APOL2: variants seen among roughly 807,000 people sequenced by gnomAD.
The protein encoded by APOL2 is apolipoprotein L2.
A neutral mutation model predicts 7.1 loss-of-function variants in APOL2; 8 were observed. The observed-to-expected ratio is 1.12, with a 90% CI of 0.66 to 2.03. The LOEUF (loss-of-function observed/expected upper bound fraction) is 2.03, where lower values mean the gene tolerates loss of function less well. Among genes scored for constraint, APOL2 ranks in the 30% most tolerant of loss-of-function variants. The probability of loss-of-function intolerance (pLI) is 0.00; values close to 1 mark genes in which losing one functional copy is unlikely to be tolerated. For synonymous variants in APOL2, 177 were observed against 159.9 expected (o/e 1.11, Z -0.81); for missense variants, 471 against 415.1 (o/e 1.13, Z -1.17).
In APOL2 at chr22:36,227,927, A is replaced by G; in HGVS notation, c.491T>C (p.Ile164Thr). The G allele has an allele frequency of 6.2e-7, 1 of 1,614,194 alleles. No homozygotes were observed. The highest frequency in any genetic ancestry group is 8.5e-7 in the Non-Finnish European group (1 of 1,180,034). ...TACTAGTTCTACCACACTGCAGGTA[A>G]TCCCAGCCACAGCAGCTGCTGCTCC... ...GLGAAAAVAG[I>T]TCSVVELVNK... The change falls in exon 5 of 5, where the codon ATT (isoleucine) becomes ACT (threonine). Residue 164 changes from isoleucine to threonine, a missense_variant. Transcript: ENST00000358502.
At chr22:36,239,374 A>G in intron 1 of APOL2, 67 bp downstream of exon 1, 1 of 1,453,418 alleles carries the variant, frequency 6.9e-7, no homozygotes, top group Non-Finnish European at 9.3e-7. Context: ...AAGCTGAATG[A>G]TCCTTCCCTT....
chr22:36,230,785 G>C (rs529855285), intron 4 of APOL2, among the ~76,000 whole-genome samples: 1 of 152,124 alleles, frequency 6.6e-6, no homozygotes, highest in South Asian at 2.1e-4. Context: ...CAGCAGAAGG[G>C]TCCTGCTGTG....
chr22:36,229,775 A>G (rs2015152399), intron 4 of APOL2, among the ~76,000 whole-genome samples: 1 of 152,204 alleles, frequency 6.6e-6, no homozygotes, highest in African/African-American at 2.4e-5. Flanking sequence ...AACAAAAACA[A>G]AACCTCAGAA....
chr22:36,233,626 C>T (rs995277369), intron 1 of APOL2, among the ~76,000 whole-genome samples, 171 bp from the exon 2 acceptor site: 1 of 152,180 alleles, frequency 6.6e-6, no homozygotes, highest in Non-Finnish European at 1.5e-5. Context: ...TATTGTGTGT[C>T]TGTGATGTGC....
At position 36,239,391 on chromosome 22, in the gene APOL2, C is replaced by T. The variant is rs779332208; in HGVS notation, c.-134+50G>A. 17 of 1,476,624 alleles carry T rather than the reference C, an allele frequency of 1.2e-5. No individual in the cohort carries two copies. In the Admixed American group the frequency reaches 2.6e-4, roughly 22 times the overall value. The allele number at this position is 1,476,624 out of a possible 1,614,324, so 91.5% of individuals were successfully genotyped here. A position where few individuals can be genotyped will look rare whatever the true frequency, so the allele number is the denominator to read the frequency against. ...GCTGAATGATCCTTCCCTTATAGAG[C>T]TATTGCAAGAATAAGGACATGGGGG... is the stretch of plus-strand genomic sequence containing the variant. On this transcript the variant is annotated intron_variant, in intron 1 of 4. Coordinates refer to ENST00000358502, the MANE Select transcript of APOL2 (RefSeq NM_030882.4).
chr22:36,239,145 G>A, intron 1 of APOL2: 1 of 1,213,750 alleles, frequency 8.2e-7, no homozygotes, highest in Non-Finnish European at 1.0e-6. Flanking sequence ...CCTTTCTTCT[G>A]GGGTCAGCTG....
At position 36,227,393 on chromosome 22, in the gene APOL2, C is replaced by T. The variant is rs1410453449; in HGVS notation, c.*11G>A. ...CGGCATTTCTGCCCTGGTGGCTGCA[C>T]TGCTCTGGGGTCATTGGTCTTGGCC... is the stretch of plus-strand genomic sequence containing the variant. On this transcript the variant is annotated 3_prime_UTR_variant, in exon 5 of 5. Coordinates refer to ENST00000358502, the MANE Select transcript of APOL2 (RefSeq NM_030882.4). The T allele has an allele frequency of 6.3e-7, 1 of 1,584,452 alleles. No individual in the cohort carries two copies. Among genetic ancestry groups the T allele is most frequent in the Non-Finnish European group, 8.6e-7 (1 of 1,165,376 alleles).
rs770494326 is a variant in APOL2 at position 36,227,929 on chromosome 22, C to A, written c.489G>T (p.Gly163=). 3 of 1,614,236 alleles carry A rather than the reference C, an allele frequency of 1.9e-6. No homozygotes were observed. Among genetic ancestry groups the A allele is most frequent in the Non-Finnish European group, 2.5e-6 (3 of 1,180,030 alleles). Residue 163 remains glycine (G), a synonymous_variant, in exon 5 of 5, where the codon GGG becomes GGT. Coordinates refer to ENST00000358502, the MANE Select transcript of APOL2 (RefSeq NM_030882.4). The part of the protein sequence containing the change: ...MGLGAAAAVA[G]ITCSVVELVN... Reference sequence around the variant, plus strand: ...CTAGTTCTACCACACTGCAGGTAATCCCAGCCACAGCAGCTGCTGCTCCCA... The same window carrying A: ...CTAGTTCTACCACACTGCAGGTAATACCAGCCACAGCAGCTGCTGCTCCCA...
chr22:36,239,014 C>T, intron 1 of APOL2: 1 of 666,124 alleles, frequency 1.5e-6, no homozygotes. Context: ...GCAGCAGCAC[C>T]CTGGGGCCAG....
chr22:36,233,281 C>T (rs775510430), intron 2 of APOL2, 40 bp from the exon 3 acceptor site: 12 of 1,610,490 alleles, frequency 7.5e-6, no homozygotes, highest in Non-Finnish European at 9.3e-6. Flanking sequence ...CGAAGGTGAG[C>T]CTCCTGTGTA....
intron 1 of APOL2, chr22:36,234,211 A>G (rs1320175217): frequency 6.6e-6 from 1 of 152,264 alleles, no homozygotes; most frequent in Non-Finnish European, 1.5e-5. Context: ...GTCAAAAGCT[A>G]TTAACATCTC....
intron 3 of APOL2, 50 bp downstream of exon 3, chr22:36,233,103 C>T (rs752972724): frequency 2.5e-6 from 4 of 1,580,812 alleles, no homozygotes; most frequent in African/African-American, 2.7e-5. Flanking sequence ...GTGCCACCCT[C>T]CATTCTAGGT....
rs959978371 is a variant in APOL2, at chr22:36,231,407, T to G, written c.70A>C (p.Asn24His). Residue 24 changes from asparagine to histidine, a missense_variant, in exon 4 of 5, where the codon AAT becomes CAT. Transcript: ENST00000358502. ...KYFQDQVSRE[N>H]LLQLLTDDEA... ...TCATCAGTCAGCAGTTGTAGCAGAT[T>G]CTCTCTGCTCACTTGGTCCTGGAAA... 2 of 1,613,780 alleles carry G rather than the reference T, an allele frequency of 1.2e-6. No individual in the cohort carries two copies. The highest frequency in any genetic ancestry group is 1.7e-6 in the Non-Finnish European group (2 of 1,179,750).
In APOL2 at chr22:36,231,398, G is replaced by T; in HGVS notation, c.79C>A (p.Gln27Lys). ...QDQVSRENLLQLLTDDEAWNG... is the reference protein window; with the variant it reads ...QDQVSRENLLKLLTDDEAWNG... ...CAGGCTTCATCATCAGTCAGCAGTT[G>T]TAGCAGATTCTCTCTGCTCACTTGG... Residue 27 changes from glutamine (Q) to lysine (K), a missense_variant, in exon 4 of 5, where the codon CAA becomes AAA. Physicochemically the swap from Gln to Lys is moderately conservative, Grantham distance 53. Coordinates refer to ENST00000358502, the MANE Select transcript of APOL2 (RefSeq NM_030882.4). 4 of 1,614,186 alleles carry T rather than the reference G, an allele frequency of 2.5e-6. No individual in the cohort carries two copies. Among genetic ancestry groups the T allele is most frequent in the Non-Finnish European group, 3.4e-6 (4 of 1,180,004 alleles).
chr22:36,228,352 T>C, intron 4 of APOL2, 72 bp from the exon 5 acceptor site: 1 of 1,512,028 alleles, frequency 6.6e-7, no homozygotes, highest in Non-Finnish European at 8.9e-7. Flanking sequence ...ATGCGATCTC[T>C]ATCCTGTGTA....
chr22:36,239,670 T>C, upstream of APOL2: 3 of 638,026 alleles, frequency 4.7e-6, no homozygotes, highest in East Asian at 8.5e-5. Flanking sequence ...CCAGCCTCCT[T>C]GCTGCTGCAC....
chr22:36,227,209 G>A lies in APOL2; in HGVS notation c.*195C>T, dbSNP rs191370674. The A allele has an allele frequency of 9.1e-3, 5,436 of 596,862 alleles. 46 individuals carry two copies. The highest frequency in any genetic ancestry group is 0.01 in the Non-Finnish European group (3,845 of 374,614). The allele number at this position is 596,862 out of a possible 1,614,324, so 37.0% of individuals were successfully genotyped here. Reference sequence around the variant, plus strand: ...CAGGTGCCTGTAGTCCCAGCTACTCGGGAGACTGAGGCCGGAGAATGGTGT... The same window carrying A: ...CAGGTGCCTGTAGTCCCAGCTACTCAGGAGACTGAGGCCGGAGAATGGTGT... On this transcript the variant is annotated 3_prime_UTR_variant, in exon 5 of 5. Coordinates refer to ENST00000358502, the MANE Select transcript of APOL2 (RefSeq NM_030882.4).
chr22:36,227,951 C>T lies in APOL2; in HGVS notation c.467G>A (p.Gly156Glu). The T allele has an allele frequency of 1.2e-6, 2 of 1,614,198 alleles. No individual in the cohort carries two copies. The highest frequency in any genetic ancestry group is 4.5e-5 in the East Asian group (2 of 44,882). The change falls in exon 5 of 5, where the codon GGA (glycine) becomes GAA (glutamate). Residue 156 changes from glycine to glutamate, a missense_variant. Gly to Glu is a moderately conservative substitution (Grantham distance 98). Transcript: ENST00000358502. ...FVLLDTGMGL[G>E]AAAAVAGITC... ...AATCCCAGCCACAGCAGCTGCTGCT[C>T]CCAGACCCATGCCAGTGTCCAAGAG...
intron 1 of APOL2, chr22:36,236,713 C>G: frequency 1.0e-6 from 1 of 985,340 alleles, no homozygotes. Context: ...ACAAAAGCCC[C>G]CTCCTCAAAA....
Sources: gnomAD v4.1 joint callset for allele counts (sites outside exome capture counted in the v4.1 genomes callset) on GRCh38, gnomAD v4.1.1 for gene constraint, MANE v1.5 for transcripts, NCBI Gene and HGNC (gene_info 2026-07-23, HGNC 2026-07-21) for gene names.